Variants in RIT2 observed in about 807,000 individuals in gnomAD.
RIT2 encodes GTP-binding protein Rit2.
RIT2 carries 24 observed loss-of-function variants against 23.7 expected under a neutral mutation model. That is an observed-to-expected ratio of 1.01 (90% CI 0.73 to 1.43). RIT2 has a LOEUF of 1.43. Among genes scored for constraint, RIT2 ranks in the 40% most tolerant of loss-of-function variants. The probability of loss-of-function intolerance (pLI) is 0.00; values close to 1 mark genes in which losing one functional copy is unlikely to be tolerated. For synonymous variants in RIT2, 107 were observed against 91.1 expected, an observed-to-expected ratio of 1.17 and a Z score of -0.99; for missense variants, 236 against 266.9, an observed-to-expected ratio of 0.88 and a Z score of 0.81.
intron 1 of RIT2, among the ~76,000 whole-genome samples, chr18:43,085,481 A>G (rs1003179698): frequency 1.2e-4 from 18 of 152,092 alleles, no homozygotes; most frequent in Admixed American, 1.1e-3. Flanking sequence ...CCCTTTGCTC[A>G]ATATCTTCTC....
At chr18:42,871,804 A>C (rs1396004693) in intron 4 of RIT2, among the ~76,000 whole-genome samples, 2 of 152,204 alleles carry the variant, frequency 1.3e-5, no homozygotes, top group African/African-American at 4.8e-5. Context: ...TACCTTACAA[A>C]ATATCTATAC....
intron 4 of RIT2, among the ~76,000 whole-genome samples, chr18:42,772,210 G>A (rs747544798): frequency 6.6e-6 from 1 of 152,090 alleles, no homozygotes; most frequent in Non-Finnish European, 1.5e-5. Context: ...GAATGACATG[G>A]TGAGTGCTTC....
chr18:43,076,910 C>T (rs925354438), intron 1 of RIT2, among the ~76,000 whole-genome samples: 1 of 151,252 alleles, frequency 6.6e-6, no homozygotes, highest in Admixed American at 6.6e-5. Context: ...GAGACCATCC[C>T]GGCTAAAACG....
At chr18:43,016,147 T>C (rs540426048) in intron 2 of RIT2, among the ~76,000 whole-genome samples, 1 of 151,942 alleles carries the variant, frequency 6.6e-6, no homozygotes. Flanking sequence ...AATAGTCAAG[T>C]AAGCATGAAG....
At chr18:42,851,917 T>C (rs1267410242) in intron 4 of RIT2, among the ~76,000 whole-genome samples, 1 of 152,152 alleles carries the variant, frequency 6.6e-6, no homozygotes, top group Non-Finnish European at 1.5e-5. Context: ...TGGGTAATAT[T>C]TGCTCTCTCA....
intron 2 of RIT2, among the ~76,000 whole-genome samples, chr18:43,008,677 CT>C (rs1911280364): frequency 6.6e-6 from 1 of 151,290 alleles, no homozygotes; most frequent in Admixed American, 6.6e-5. Context: ...CTATTCAATA[CT>C]AAATCTCTGG....
At chr18:42,833,163 G>T (rs564683672) in intron 4 of RIT2, among the ~76,000 whole-genome samples, 1 of 151,034 alleles carries the variant, frequency 6.6e-6, no homozygotes, top group Middle Eastern at 3.4e-3. Context: ...ACCCTTTTCA[G>T]CCTCTAGTAT....
intron 4 of RIT2, among the ~76,000 whole-genome samples, chr18:42,901,825 T>C (rs1368641181): frequency 6.6e-6 from 1 of 151,966 alleles, no homozygotes; most frequent in Admixed American, 6.6e-5. Flanking sequence ...AAACACCACT[T>C]GTTGAATTTT....
intron 4 of RIT2, among the ~76,000 whole-genome samples, chr18:42,754,901 G>A (rs16976764): frequency 0.017 from 2,650 of 152,192 alleles, 80 homozygotes; most frequent in African/African-American, 0.061. Context: ...TGTGGGCTTC[G>A]GCAAATGCCT....
At chr18:42,997,835 A>G (rs1911021189) in intron 2 of RIT2, among the ~76,000 whole-genome samples, 1 of 152,166 alleles carries the variant, frequency 6.6e-6, no homozygotes, top group Non-Finnish European at 1.5e-5. Flanking sequence ...AGACATTCAA[A>G]TAATAAAGAT....
intron 2 of RIT2, among the ~76,000 whole-genome samples, chr18:43,001,399 G>GA (rs1911104324): frequency 6.6e-6 from 1 of 151,834 alleles, no homozygotes; most frequent in Non-Finnish European, 1.5e-5. Flanking sequence ...TCTATATAAG[G>GA]AAAAAAATGT....
intron 2 of RIT2, among the ~76,000 whole-genome samples, chr18:43,016,627 T>C (rs1433019633): frequency 6.6e-6 from 1 of 151,862 alleles, no homozygotes; most frequent in Non-Finnish European, 1.5e-5. Context: ...CCAGGAAATA[T>C]TCAAAGTTAA....
At chr18:43,084,011 C>T (rs976010995) in intron 1 of RIT2, among the ~76,000 whole-genome samples, 5 of 152,104 alleles carry the variant, frequency 3.3e-5, no homozygotes, top group African/African-American at 9.7e-5. Context: ...TATCCAGAAT[C>T]CATGAGGAAC....
At chr18:42,779,285 G>A (rs1913749995) in intron 4 of RIT2, among the ~76,000 whole-genome samples, 1 of 151,814 alleles carries the variant, frequency 6.6e-6, no homozygotes, top group African/African-American at 2.4e-5. Context: ...AAGAACTTGT[G>A]AGCCATCCCA....
At chr18:42,852,833 CTTTCT>C (rs1907092148) in intron 4 of RIT2, among the ~76,000 whole-genome samples, 2 of 110,080 alleles carry the variant, frequency 1.8e-5, no homozygotes, top group South Asian at 7.9e-4. Flanking sequence ...TCCTTCCTTT[CTTTCT>C]TTTCTTTCTT....
intron 2 of RIT2, among the ~76,000 whole-genome samples, chr18:43,026,573 TAAGAAAGAAAGAAAGAAAGA>T (rs199513808): frequency 0.029 from 2,255 of 77,308 alleles, 32 homozygotes; most frequent in Non-Finnish European, 0.034. Flanking sequence ...AAGAAATAAA[TAAGAAAGAAAGAAAGAAAGA>T]AAGAAAGAAA....
At chr18:42,925,328 T>C (rs1909153460) in intron 3 of RIT2, among the ~76,000 whole-genome samples, 1 of 151,998 alleles carries the variant, frequency 6.6e-6, no homozygotes, top group Non-Finnish European at 1.5e-5. Flanking sequence ...ACCCCATAAT[T>C]GACAGGACTT....
At chr18:43,056,995 T>C (rs1276924166) in intron 1 of RIT2, among the ~76,000 whole-genome samples, 1 of 140,810 alleles carries the variant, frequency 7.1e-6, no homozygotes, top group Non-Finnish European at 1.5e-5. Flanking sequence ...AAAAATGAAA[T>C]TCCTTGTTCT....
intron 2 of RIT2, among the ~76,000 whole-genome samples, chr18:43,028,377 G>A (rs184025284): frequency 1.3e-5 from 2 of 152,118 alleles, no homozygotes; most frequent in African/African-American, 4.8e-5. Flanking sequence ...AGGCAGAGAA[G>A]AGGTTGCTTG....
Sources: gnomAD v4.1 joint callset for allele counts (sites outside exome capture counted in the v4.1 genomes callset) on GRCh38, gnomAD v4.1.1 for gene constraint, MANE v1.5 for transcripts, NCBI Gene and HGNC (gene_info 2026-07-23, HGNC 2026-07-21) for gene names.